Variants in TENM2 observed in about 807,000 individuals in gnomAD.
The protein encoded by TENM2 is teneurin-2.
In TENM2, 52 loss-of-function variants were observed where a neutral mutation model predicts 245.2. The ratio of observed to expected loss-of-function variants is 0.21; its 90% CI spans 0.17 to 0.27. TENM2 has a LOEUF of 0.27. Ranked by LOEUF, TENM2 falls within the 10% of genes least tolerant of loss-of-function variation. TENM2 has a pLI of 1.00. For missense variants in TENM2, 3,046 were observed against 3,666.8 expected, an observed-to-expected ratio of 0.83 and a Z score of 4.37; for synonymous variants, 1,363 against 1,438.9, an observed-to-expected ratio of 0.95 and a Z score of 1.19.
chr5:168,062,283 G>A lies in TENM2; in HGVS notation c.1515+18G>A. The A allele has an allele frequency of 6.2e-7, 1 of 1,602,464 alleles. No individual in the cohort carries two copies. ...ATGCCCAGGTATGACCATGTTTGAT[G>A]TAATCAAGCATTTAAAAAAATATAT... On this transcript the variant is annotated intron_variant, in intron 7 of 28. Coordinates refer to ENST00000518659, the Ensembl canonical transcript of TENM2.
At chr5:167,780,566 C>T (rs1764122725) in intron 2 of TENM2, among the ~76,000 whole-genome samples, 1 of 152,156 alleles carries the variant, frequency 6.6e-6, no homozygotes, top group Non-Finnish European at 1.5e-5. Flanking sequence ...ACAAGAAAGC[C>T]ATGATGTGCC....
At chr5:167,321,862 T>TA (rs1470316622) in intron 1 of TENM2, among the ~76,000 whole-genome samples, 9 of 131,770 alleles carry the variant, frequency 6.8e-5, no homozygotes, top group African/African-American at 2.6e-4. Context: ...AGACTGGAGT[T>TA]ACAGTGGTGT....
chr5:167,207,341 G>A, the TENM2 span, among the ~76,000 whole-genome samples: 1 of 152,222 alleles, frequency 6.6e-6, no homozygotes, highest in Admixed American at 6.5e-5. Flanking sequence ...CATGAGTATA[G>A]TCACTGAGTT....
chr5:167,782,753 T>C (rs1353555711), intron 2 of TENM2, among the ~76,000 whole-genome samples: 3 of 152,180 alleles, frequency 2.0e-5, no homozygotes, highest in African/African-American at 7.2e-5. Flanking sequence ...CACCAAGGAA[T>C]TAGTAGCTTT....
chr5:167,217,287 G>C, the TENM2 span, among the ~76,000 whole-genome samples: 2 of 152,230 alleles, frequency 1.3e-5, no homozygotes, highest in African/African-American at 4.8e-5. Context: ...TAATTACACA[G>C]CACTGCCACC....
chr5:167,791,202 T>C (rs1370326002), intron 2 of TENM2, among the ~76,000 whole-genome samples: 1 of 151,984 alleles, frequency 6.6e-6, no homozygotes, highest in Non-Finnish European at 1.5e-5. Flanking sequence ...TTAGCTATTA[T>C]ATTTCAGTTT....
chr5:167,514,935 C>T (rs376621931), intron 2 of TENM2, among the ~76,000 whole-genome samples: 3 of 152,054 alleles, frequency 2.0e-5, no homozygotes, highest in South Asian at 2.1e-4. Flanking sequence ...CGCTTGAACC[C>T]GAGAGGCGGA....
intron 13 of TENM2, among the ~76,000 whole-genome samples, chr5:168,175,719 G>A (rs1369977732): frequency 2.0e-5 from 3 of 152,124 alleles, no homozygotes; most frequent in Non-Finnish European, 4.4e-5. Context: ...AAGCCACTAG[G>A]TGTCTGGGGT....
intron 9 of TENM2, among the ~76,000 whole-genome samples, chr5:168,117,117 T>A (rs1054272973): frequency 1.3e-5 from 2 of 152,188 alleles, no homozygotes; most frequent in Non-Finnish European, 2.9e-5. Flanking sequence ...AGGTGGGAAT[T>A]GGCACATTTG....
the TENM2 span, among the ~76,000 whole-genome samples, chr5:167,129,218 C>T: frequency 5.3e-5 from 8 of 152,038 alleles, no homozygotes; most frequent in Non-Finnish European, 7.3e-5. Context: ...ATGTGTGTGG[C>T]GTGCTGGGTG....
At chr5:167,248,865 A>G in the TENM2 span, among the ~76,000 whole-genome samples, 1 of 152,090 alleles carries the variant, frequency 6.6e-6, no homozygotes, top group Non-Finnish European at 1.5e-5. Flanking sequence ...TAAATTTGAA[A>G]ATGCCCAATT....
At chr5:167,882,685 C>T (rs1193913548) in intron 3 of TENM2, among the ~76,000 whole-genome samples, 1 of 152,072 alleles carries the variant, frequency 6.6e-6, no homozygotes, top group Non-Finnish European at 1.5e-5. Context: ...CCTATAAAAC[C>T]ATCAGATCTC....
chr5:167,167,346 G>A, the TENM2 span, among the ~76,000 whole-genome samples: 1 of 152,138 alleles, frequency 6.6e-6, no homozygotes, highest in African/African-American at 2.4e-5. Flanking sequence ...CCCAGGCCAT[G>A]CTCTGTGTTG....
chr5:167,196,512 G>GTATATATATATGTGTGTGTATATATATA, the TENM2 span, among the ~76,000 whole-genome samples: 9 of 144,278 alleles, frequency 6.2e-5, no homozygotes, highest in African/African-American at 2.3e-4. Context: ...ATATATATGT[G>GTATATATATATGTGTGTGTATATATATA]TGTGTATATA....
chr5:167,713,226 C>T (rs73801360), intron 2 of TENM2, among the ~76,000 whole-genome samples: 18 of 151,944 alleles, frequency 1.2e-4, no homozygotes, highest in Non-Finnish European at 2.4e-4. Flanking sequence ...CTACCCCCTA[C>T]GAAGATTCTG....
At chr5:167,884,148 A>G (rs1038421875) in intron 3 of TENM2, among the ~76,000 whole-genome samples, 2 of 152,236 alleles carry the variant, frequency 1.3e-5, no homozygotes, top group Non-Finnish European at 2.9e-5. Flanking sequence ...TGACATTCCG[A>G]TACATCTAAA....
In TENM2 at chr5:168,126,815, A is replaced by G. The variant is rs758981806; in HGVS notation, c.2271A>G (p.Glu757=). ...GCATCGGGGGAGCCTGCCGCTGTGA[A>G]GAGGGCTGGACAGGCGCAGCGTGTG... is the stretch of plus-strand genomic sequence containing the variant. The change falls in exon 12 of 29, where the codon GAA becomes GAG. Residue 757 remains glutamate (E), a synonymous_variant. Transcript: ENST00000518659. The G allele has an allele frequency of 1.9e-6, 3 of 1,613,498 alleles. No homozygotes were observed. The South Asian group carries it at 3.3e-5, about 18-fold the overall frequency.
chr5:167,307,462 A>G (rs1428087781), intron 1 of TENM2, among the ~76,000 whole-genome samples: 1 of 152,162 alleles, frequency 6.6e-6, no homozygotes, highest in Non-Finnish European at 1.5e-5. Context: ...ACCATAGAGG[A>G]TGAGGGTATG....
the TENM2 span, among the ~76,000 whole-genome samples, chr5:167,162,584 C>T: frequency 6.1e-4 from 92 of 150,514 alleles, 1 homozygote; most frequent in South Asian, 0.018. Context: ...GCCGAGATGG[C>T]GCCACTGCAC....
Sources: gnomAD v4.1 joint callset for allele counts (sites outside exome capture counted in the v4.1 genomes callset) on GRCh38, gnomAD v4.1.1 for gene constraint, MANE v1.5 for transcripts, NCBI Gene and HGNC (gene_info 2026-07-23, HGNC 2026-07-21) for gene names.